Variants in ANO4 observed in about 807,000 individuals in gnomAD.
The protein encoded by ANO4 is anoctamin 4.
In ANO4, 69 loss-of-function variants were observed where a neutral mutation model predicts 141.9. The observed-to-expected ratio is 0.49, with a 90% CI of 0.40 to 0.59. ANO4 has a LOEUF of 0.59. Ranked by LOEUF, ANO4 falls within the 20% of genes least tolerant of loss-of-function variation. The pLI, the probability that ANO4 is intolerant of heterozygous loss-of-function variation, is 0.00. For missense variants in ANO4, 894 were observed against 1,162.2 expected, an observed-to-expected ratio of 0.77 and a Z score of 3.36; for synonymous variants, 350 against 394.3, an observed-to-expected ratio of 0.89 and a Z score of 1.33.
At chr12:100,884,849 C>G (rs1423836287) in intron 1 of ANO4, among the ~76,000 whole-genome samples, 1 of 152,246 alleles carries the variant, frequency 6.6e-6, no homozygotes. Context: ...CATGCGCAAC[C>G]ATGCCCAGCT....
intron 2 of ANO4, among the ~76,000 whole-genome samples, chr12:100,903,254 C>T (rs10735373): frequency 0.59 from 90,315 of 151,976 alleles, 27,006 homozygotes; most frequent in East Asian, 0.72. Flanking sequence ...ACTTGTTTCC[C>T]AAACACTGTT....
intron 25 of ANO4, among the ~76,000 whole-genome samples, chr12:101,118,181 G>T (rs913252604): frequency 6.6e-6 from 1 of 152,082 alleles, no homozygotes; most frequent in Non-Finnish European, 1.5e-5. Context: ...ACATATACAG[G>T]ATCCTAAGTA....
chr12:101,061,669 G>A (rs2200162), intron 14 of ANO4, among the ~76,000 whole-genome samples: 2,511 of 151,224 alleles, frequency 0.017, 69 homozygotes, highest in African/African-American at 0.057. Flanking sequence ...CTGCTTGATC[G>A]ACTCGACTAT....
chr12:100,856,839 A>G (rs144472756), intron 1 of ANO4, among the ~76,000 whole-genome samples: 1 of 152,230 alleles, frequency 6.6e-6, no homozygotes, highest in African/African-American at 2.4e-5. Flanking sequence ...GGTGTTTGCT[A>G]TGGTAAGTAG....
intron 8 of ANO4, among the ~76,000 whole-genome samples, chr12:100,996,600 A>T (rs2045382653): frequency 1.3e-5 from 2 of 152,126 alleles, no homozygotes. Context: ...CAGGAGAATC[A>T]CTTGAACCTG....
intron 1 of ANO4, among the ~76,000 whole-genome samples, chr12:100,890,873 A>G (rs2040070499): frequency 6.6e-6 from 1 of 152,178 alleles, no homozygotes; most frequent in Non-Finnish European, 1.5e-5. Flanking sequence ...ATTTATTACA[A>G]TATGTATGCA....
chr12:100,806,544 T>TGAGAG (rs1173259264), intron 1 of ANO4, among the ~76,000 whole-genome samples: 1 of 62,606 alleles, frequency 1.6e-5, no homozygotes, highest in African/African-American at 7.7e-5. Context: ...TTTTTTTTTT[T>TGAGAG]TTTTTTTTTT....
At position 100,939,418 on chromosome 12, in the gene ANO4, A is replaced by G; in HGVS notation, c.264A>G (p.Ser88=). 1 of 1,613,714 alleles carries G rather than the reference A, an allele frequency of 6.2e-7. No homozygotes were observed. ...ACCCTGGAAACCTGACTAGTACTTC[A>G]GATGATGCCAGCAGATTGGAAGCCG... ...LLHPGNLTST[S]DDASRLEAGG... Residue 88 remains serine, a synonymous_variant, in exon 4 of 28, where the codon TCA becomes TCG. Transcript: ENST00000392977.
intron 1 of ANO4, among the ~76,000 whole-genome samples, chr12:100,841,057 T>C (rs1265748205): frequency 6.6e-6 from 1 of 151,964 alleles, no homozygotes; most frequent in African/African-American, 2.4e-5. Flanking sequence ...AGGTGAGCAA[T>C]GGGAACACCT....
intron 22 of ANO4, among the ~76,000 whole-genome samples, chr12:101,110,170 G>A (rs1044615597): frequency 1.3e-5 from 2 of 152,074 alleles, no homozygotes; most frequent in African/African-American, 4.8e-5. Flanking sequence ...TGATATTTAG[G>A]AAACAAGATC....
chr12:100,872,602 A>G (rs2135931267), intron 1 of ANO4, among the ~76,000 whole-genome samples: 2 of 152,356 alleles, frequency 1.3e-5, no homozygotes, highest in Middle Eastern at 6.8e-3. Context: ...GTAAATTAAC[A>G]TGTTATAGTA....
intron 1 of ANO4, among the ~76,000 whole-genome samples, chr12:100,896,387 C>T (rs770531119): frequency 1.1e-4 from 16 of 151,532 alleles, no homozygotes; most frequent in Non-Finnish European, 2.4e-4. Flanking sequence ...GCGAGGAACA[C>T]CAAGGAATGC....
chr12:100,978,626 G>GC (rs2044310016), intron 7 of ANO4, among the ~76,000 whole-genome samples: 1 of 152,236 alleles, frequency 6.6e-6, no homozygotes, highest in African/African-American at 2.4e-5. Flanking sequence ...TTGGAGTTCT[G>GC]CCCCCTGGAT....
rs7313296 is a variant in ANO4, at chr12:101,120,405, T to C, written c.2571-115T>C. Reference sequence around the variant, plus strand: ...CAAGCAAAACAACAGATATCTAGTATAGAGAAACTTCAAATTTCCCTCCTA... The same window carrying C: ...CAAGCAAAACAACAGATATCTAGTACAGAGAAACTTCAAATTTCCCTCCTA... On this transcript the variant is annotated intron_variant, in intron 25 of 27. Transcript: ENST00000392977. 1,065 of 831,900 alleles carry C rather than the reference T, an allele frequency of 1.3e-3. 5 individuals carry two copies. In the African/African-American group the frequency reaches 0.016, roughly 13 times the overall value. 51.5% of individuals were successfully genotyped at this position (831,900 alleles called of 1,614,324 possible).
At chr12:100,929,209 TATTC>T (rs1451072338) in intron 3 of ANO4, among the ~76,000 whole-genome samples, 2 of 152,108 alleles carry the variant, frequency 1.3e-5, no homozygotes, top group African/African-American at 4.8e-5. Context: ...TACTAGATCT[TATTC>T]ATTCTATCTA....
chr12:101,081,753 T>G (rs1220079920), intron 15 of ANO4, among the ~76,000 whole-genome samples: 3 of 152,168 alleles, frequency 2.0e-5, no homozygotes, highest in Non-Finnish European at 4.4e-5. Flanking sequence ...GGGTTGGTTC[T>G]TTCTGAGAAC....
intron 1 of ANO4, among the ~76,000 whole-genome samples, chr12:100,868,208 C>T (rs1593573123): frequency 2.0e-5 from 3 of 152,070 alleles, no homozygotes; most frequent in South Asian, 4.2e-4. Flanking sequence ...GCTTGAAGGG[C>T]GAGTCACAGC....
intron 14 of ANO4, among the ~76,000 whole-genome samples, chr12:101,053,761 G>A (rs1349281984): frequency 6.6e-6 from 1 of 152,216 alleles, no homozygotes. Flanking sequence ...CACATTGTGA[G>A]GTACTGGGAC....
rs534490511 is a variant in ANO4, at chr12:100,726,860, A to G, written c.23-6914A>G. ...CTTATATTCTCTGTTTTGTTTGGCCAGTAGTGCAACATTAAAAAAACTTTG... is the reference window on the plus strand; with the variant it reads ...CTTATATTCTCTGTTTTGTTTGGCCGGTAGTGCAACATTAAAAAAACTTTG... On this transcript the variant is annotated intron_variant, in intron 1 of 29. Coordinates refer to the ANO4 transcript ENST00000644049. 7.9e-5 allele frequency among the ~76,000 whole-genome samples: 12 copies of G among 152,198 alleles called. No individual in the cohort carries two copies. In the South Asian group the frequency reaches 2.5e-3, roughly 32 times the overall value.
Sources: allele counts gnomAD v4.1 joint callset (sites outside exome capture counted in the v4.1 genomes callset), GRCh38; gene constraint gnomAD v4.1.1; transcripts MANE v1.5; gene names NCBI Gene and HGNC (gene_info 2026-07-23, HGNC 2026-07-21).